TTN: variants seen among roughly 807,000 people sequenced by gnomAD.
TTN encodes the protein connectin.
TTN carries 1,525 observed loss-of-function variants against 3,223.0 expected under a neutral mutation model. That is an observed-to-expected ratio of 0.47 (90% CI 0.45 to 0.49). The LOEUF (loss-of-function observed/expected upper bound fraction) is 0.49, where lower values mean the gene tolerates loss of function less well. Among genes scored for constraint, TTN ranks in the 20% least tolerant of loss-of-function variants. The pLI, the probability that TTN is intolerant of heterozygous loss-of-function variation, is 0.00. For synonymous variants in TTN, 14,094 were observed against 15,161.0 expected (o/e 0.93, Z 5.17); for missense variants, 40,786 against 43,424.0 (o/e 0.94, Z 5.40).
chr2:178,766,647 C>A (rs2090486373), intron 40 of TTN, 35 bp from the exon 41 acceptor site: 2 of 1,555,032 alleles, frequency 1.3e-6, no homozygotes, highest in Non-Finnish European at 1.8e-6. Flanking sequence ...ACAACAACAA[C>A]AACAAAAACT....
rs770285659 is a variant in TTN, at chr2:178,774,135, A to G, written c.7058-25T>C. On this transcript the variant is annotated intron_variant, in intron 30 of 362. Coordinates refer to ENST00000589042, the MANE Select transcript of TTN (RefSeq NM_001267550.2). ...GCTGTGAAATATGGGGAGAAAAAGA[A>G]TGTTATGATCATTTTTTATCAATAA... The G allele has an allele frequency of 3.8e-5, 62 of 1,613,978 alleles. No individual in the cohort carries two copies. In the South Asian group the frequency reaches 6.7e-4, roughly 17 times the overall value.
In TTN at chr2:178,653,069, A is replaced by C; in HGVS notation, c.38847T>G (p.Pro12949=). The change falls in exon 199 of 363, where the codon CCT becomes CCG. Residue 12949 remains proline, a synonymous_variant. Transcript: ENST00000589042. ...VPEKKVPVTP[P]KKPEVPPVKV... ...TAACAGGTGGGACTTCAGGTTTTTT[A>C]GGAGGAGTCACTGGCACTTTCTTTT... 1 of 1,613,350 alleles carries C rather than the reference A, an allele frequency of 6.2e-7. No individual in the cohort carries two copies.
rs1232435505 is a variant in TTN at position 178,802,714 on chromosome 2, T to C, written c.92-373A>G. On this transcript the variant is annotated intron_variant, in intron 2 of 362. Coordinates refer to ENST00000589042, the MANE Select transcript of TTN (RefSeq NM_001267550.2). ...ATAAAAATGAAGAACCAAGGAAAAT[T>C]TGAAATAAAGAGTGATTGTTGTCCT... Among the ~76,000 whole-genome samples the C allele has an allele frequency of 3.3e-5, 5 of 152,058 alleles. No individual in the cohort carries two copies. In the East Asian group the frequency reaches 9.6e-4, roughly 29 times the overall value.
In TTN at chr2:178,539,196, A is replaced by G. The variant is rs377183405; in HGVS notation, c.98739T>C (p.Ser32913=). The G allele has an allele frequency of 5.6e-6, 9 of 1,613,706 alleles. No individual in the cohort carries two copies. The highest frequency in any genetic ancestry group is 5.9e-6 in the Non-Finnish European group (7 of 1,179,766). The change falls in exon 353 of 363, where the codon TCT becomes TCC. Residue 32913 remains serine, a synonymous_variant. Coordinates refer to ENST00000589042, the MANE Select transcript of TTN (RefSeq NM_001267550.2). ...TGGGCCGGGACCAGGACAAGCTAAC[A>G]GAACTCTTGGTTACATCGAGTACTT... ...PPEVLDVTKS[S]VSLSWSRPKD... is the part of the protein sequence containing the mutation.
At position 178,591,312 on chromosome 2, in the gene TTN, A is replaced by T. The variant is rs762525368; in HGVS notation, c.60413T>A (p.Ile20138Asn). 55 of 1,613,146 alleles carry T rather than the reference A, an allele frequency of 3.4e-5. No individual in the cohort carries two copies. The highest frequency in any genetic ancestry group is 4.6e-5 in the Non-Finnish European group (54 of 1,179,470). The change falls in exon 304 of 363, where the codon ATT becomes AAT. Residue 20138 changes from isoleucine to asparagine, a missense_variant. Physicochemically the swap from Ile to Asn is moderately radical, Grantham distance 149. Transcript: ENST00000589042. ...AGTGTCTCTCCTTAAGCAGTTCTTA[A>T]TGGTAAGTACTGATGAGAAGTTGTC... ...ETDNFSSVLTIKNCLRRDTGE... is the reference protein window; with the variant it reads ...ETDNFSSVLTNKNCLRRDTGE...
chr2:178,720,018 C>T lies in TTN; in HGVS notation c.23624G>A (p.Gly7875Glu). Residue 7875 changes from glycine (G) to glutamate (E), a missense_variant, in exon 81 of 363, where the codon GGA becomes GAA. Coordinates refer to ENST00000589042, the MANE Select transcript of TTN (RefSeq NM_001267550.2). Reference protein sequence around the residue: ...KYICQIKNDAGMRECSAVLTV... With the variant: ...KYICQIKNDAEMRECSAVLTV... Reference sequence around the variant, plus strand: ...CAAGACTGCAGAGCATTCTCTCATTCCAGCATCGTTTTTGATTTGGCATAT... The same window carrying T: ...CAAGACTGCAGAGCATTCTCTCATTTCAGCATCGTTTTTGATTTGGCATAT... The T allele has an allele frequency of 6.2e-7, 1 of 1,612,554 alleles. No individual in the cohort carries two copies. The highest frequency in any genetic ancestry group is 8.5e-7 in the Non-Finnish European group (1 of 1,179,060).
rs902638601 is a variant in TTN, at chr2:178,650,619, T to G, written c.39709+132A>C. 2.8e-5 allele frequency: 26 copies of G among 929,232 alleles called. No homozygotes were observed. In the Admixed American group the frequency reaches 6.1e-4, roughly 22 times the overall value. 57.6% of individuals were successfully genotyped at this position (929,232 alleles called of 1,614,324 possible). On this transcript the variant is annotated intron_variant, in intron 209 of 362. Transcript: ENST00000589042. Reference sequence around the variant, plus strand: ...ATTTGAGATTGGAGCTAATTTAGAATGATGAATTAAGACAAATAATTAAAG... The same window carrying G: ...ATTTGAGATTGGAGCTAATTTAGAAGGATGAATTAAGACAAATAATTAAAG...
At chr2:178,681,310 A>G in intron 137 of TTN, 66 bp downstream of exon 137, 1 of 1,499,992 alleles carries the variant, frequency 6.7e-7, no homozygotes, top group Non-Finnish European at 9.2e-7. Flanking sequence ...CAGACGGGCT[A>G]GGAAGACATG....
Position 178,675,752 on chromosome 2 carries a change from A to G in TTN, c.34456T>C (p.Ser11486Pro), listed in dbSNP as rs2154267281. 1 of 1,470,598 alleles carries G rather than the reference A, an allele frequency of 6.8e-7. No homozygotes were observed. Among genetic ancestry groups the G allele is most frequent in the East Asian group, 2.5e-5 (1 of 40,096 alleles). The allele number at this position is 1,470,598 out of a possible 1,614,324, so 91.1% of individuals were successfully genotyped here. Residue 11486 changes from serine to proline, a missense_variant and splice_region_variant, in exon 149 of 363, where the codon TCT (serine) becomes CCT (proline). Physicochemically the swap from Ser to Pro is moderately conservative, Grantham distance 74. Transcript: ENST00000589042. Reference protein sequence around the residue: ...KKEEAPPAKVSVVPKKPEPEK... With the variant: ...KKEEAPPAKVPVVPKKPEPEK... ...GGCTCAGGTTTCTTAGGTACCACAG[A>G]CACTTTAAAAATATTATTTTATTTT...
intron 6 of TTN, chr2:178,798,590 T>C (rs548332439): frequency 3.9e-5 from 6 of 152,312 alleles, no homozygotes; most frequent in South Asian, 2.1e-4. Flanking sequence ...AATTATCTCA[T>C]TGAAGCCCCA....
intron 88 of TTN, 26 bp from the exon 89 acceptor site, chr2:178,715,800 G>C (rs1300794309): frequency 1.9e-6 from 3 of 1,555,788 alleles, no homozygotes; most frequent in Non-Finnish European, 2.6e-6. Context: ...GAAAAACACA[G>C]GGTAAGGGAT....
rs773966832 is a variant in TTN at position 178,785,684 on chromosome 2, C to T, written c.2429G>A (p.Arg810His). 50 of 1,613,954 alleles carry T rather than the reference C, an allele frequency of 3.1e-5. 1 individual carries two copies. Among genetic ancestry groups the T allele is most frequent in the Admixed American group, 1.2e-4 (7 of 59,990 alleles). The change falls in exon 15 of 363, where the codon CGC becomes CAC. Residue 810 changes from arginine to histidine, a missense_variant. Transcript: ENST00000589042. Reference protein sequence around the residue: ...ERLVHVDKRPRTASPHFTVSK... With the variant: ...ERLVHVDKRPHTASPHFTVSK... ...AACAGTAAAGTGAGGGCTAGCTGTG[C>T]GGGGGCGTTTATCCACATGGACTAA...
At chr2:178,614,439 C>G (rs774409804) in intron 261 of TTN, 27 bp downstream of exon 261, 23 of 1,583,474 alleles carry the variant, frequency 1.5e-5, no homozygotes, top group Non-Finnish European at 1.7e-5. Context: ...AGAGTTTATC[C>G]CCTTTTAAAA....
rs878885854 is a variant in TTN, at chr2:178,559,889, C to G, written c.86243G>C (p.Arg28748Thr). ...DSSDPQIAKE[R>T]EEEPLFDIDS... ...AATATCAAATAAAGGTTCTTCTTCT[C>G]TTTCCTTTGCTATCTGAGGGTCAGA... Residue 28748 changes from arginine to threonine, a missense_variant, in exon 326 of 363, where the codon AGA (arginine) becomes ACA (threonine). Physicochemically the swap from Arg to Thr is moderately conservative, Grantham distance 71. Transcript: ENST00000589042. The G allele has an allele frequency of 1.9e-6, 3 of 1,613,278 alleles. No individual in the cohort carries two copies. Among genetic ancestry groups the G allele is most frequent in the Non-Finnish European group, 2.5e-6 (3 of 1,179,752 alleles).
At position 178,607,866 on chromosome 2, in the gene TTN, T is replaced by C. The variant is rs1454839951; in HGVS notation, c.52921A>G (p.Lys17641Glu). 6.2e-7 allele frequency: 1 copy of C among 1,613,062 alleles called. No individual in the cohort carries two copies. The highest frequency in any genetic ancestry group is 8.5e-7 in the Non-Finnish European group (1 of 1,179,342). The change falls in exon 276 of 363, where the codon AAA becomes GAA. Residue 17641 changes from lysine to glutamate, a missense_variant. Lys to Glu is a moderately conservative substitution (Grantham distance 56, BLOSUM62 1). Coordinates refer to ENST00000589042, the MANE Select transcript of TTN (RefSeq NM_001267550.2). Reference protein sequence around the residue: ...VKEIREGADYKLRVSAVNAAG... With the variant: ...VKEIREGADYELRVSAVNAAG... ...GCATTGACAGCACTCACCCGAAGTT[T>C]GTAATCAGCACCCTCTCGGATTTCT...
intron 47 of TTN, chr2:178,746,761 A>C (rs1457172290): frequency 1.2e-6 from 2 of 1,613,362 alleles, no homozygotes. Context: ...ACCATTTCAC[A>C]CCAGGAACTG....
rs1165101738 is a variant in TTN at position 178,559,557 on chromosome 2, T to C, written c.86575A>G (p.Lys28859Glu). The C allele has an allele frequency of 1.2e-6, 2 of 1,613,854 alleles. No homozygotes were observed. Among genetic ancestry groups the C allele is most frequent in the South Asian group, 1.1e-5 (1 of 91,074 alleles). The change falls in exon 326 of 363, where the codon AAA (lysine) becomes GAA (glutamate). Residue 28859 changes from lysine to glutamate, a missense_variant. Physicochemically the swap from Lys to Glu is moderately conservative, Grantham distance 56 (BLOSUM62 1). Transcript: ENST00000589042. ...PTNITVQDVT[K>E]ESAVLSWDVP... is the part of the protein sequence containing the mutation. ...TCCCAGGATAACACTGCAGACTCTT[T>C]GGTTACATCTTGCACAGTAATGTTG...
Position 178,740,870 on chromosome 2 carries a change from G to T in TTN, c.12363C>A (p.Asp4121Glu). 6.2e-7 allele frequency: 1 copy of T among 1,613,880 alleles called. No homozygotes were observed. The highest frequency in any genetic ancestry group is 8.5e-7 in the Non-Finnish European group (1 of 1,179,820). ...CCCTGGTGCTTTCAGGAGTGAGCTT[G>T]TCTTGCTCCAAAATGGATTGCAATT... is the stretch of plus-strand genomic sequence containing the variant. ...AQELQSILEQ[D>E]KLTPESTREF... The change falls in exon 48 of 363, where the codon GAC (aspartate) becomes GAA (glutamate). Residue 4121 changes from aspartate (D) to glutamate (E), a missense_variant. Coordinates refer to ENST00000589042, the MANE Select transcript of TTN (RefSeq NM_001267550.2).
In TTN at chr2:178,531,642, GGT is replaced by G; in HGVS notation, c.104971_104972del (p.Thr34991GlnfsTer16). Reference protein sequence around the residue: ...ELQESSKIHYTNTSGVLTLEI... With the variant: ...ELQESSKIHYXNTSGVLTLEI... Reference sequence around the variant, plus strand: ...CCAGGGTGAGGACTCCACTCGTGTTGGTGTAATGAATCTTACTGCTTTCTTGG... The same window carrying G: ...CCAGGGTGAGGACTCCACTCGTGTTGGTAATGAATCTTACTGCTTTCTTGG... On this transcript the variant is annotated frameshift_variant, in exon 358 of 363. Transcript: ENST00000589042. LOFTEE classifies it high-confidence loss of function. 1 of 1,613,962 alleles carries G rather than the reference GGT, an allele frequency of 6.2e-7. No homozygotes were observed. The highest frequency in any genetic ancestry group is 1.1e-5 in the South Asian group (1 of 91,082).
Sources: gnomAD v4.1 joint callset for allele counts (sites outside exome capture counted in the v4.1 genomes callset) on GRCh38, gnomAD v4.1.1 for gene constraint, MANE v1.5 for transcripts, NCBI Gene and HGNC (gene_info 2026-07-23, HGNC 2026-07-21) for gene names.